SEC23A: variants seen among roughly 807,000 people sequenced by gnomAD.
SEC23A encodes the protein SEC23 homolog A, COPII component.
A neutral mutation model predicts 103.7 loss-of-function variants in SEC23A; 56 were observed. That is an observed-to-expected ratio of 0.54 (90% CI 0.44 to 0.67). The LOEUF is 0.67. Ranked by LOEUF, SEC23A falls within the 30% of genes least tolerant of loss-of-function variation. The probability of loss-of-function intolerance (pLI) is 0.00; values close to 1 mark genes in which losing one functional copy is unlikely to be tolerated. For synonymous variants in SEC23A, 281 were observed against 293.0 expected (o/e 0.96, Z 0.42); for missense variants, 784 against 936.4 (o/e 0.84, Z 2.12).
intron 14 of SEC23A, among the ~76,000 whole-genome samples, chr14:39,051,243 T>C (rs1331980262): frequency 6.6e-6 from 1 of 152,194 alleles, no homozygotes; most frequent in South Asian, 2.1e-4. Flanking sequence ...TTGGAGACAG[T>C]GTGCATTACA....
intron 14 of SEC23A, among the ~76,000 whole-genome samples, chr14:39,051,065 C>T (rs1194060671): frequency 2.0e-5 from 3 of 152,206 alleles, no homozygotes; most frequent in Non-Finnish European, 4.4e-5. Flanking sequence ...AAAGTTAATA[C>T]TGTTTAGGTA....
chr14:39,048,627 G>C, intron 15 of SEC23A, 25 bp downstream of exon 15: 9 of 1,444,934 alleles, frequency 6.2e-6, no homozygotes, highest in Non-Finnish European at 6.8e-6. Context: ...GAAAAGAAAA[G>C]AATATGGACC....
intron 9 of SEC23A, among the ~76,000 whole-genome samples, chr14:39,072,031 C>T (rs1000490726): frequency 5.3e-5 from 8 of 151,796 alleles, no homozygotes; most frequent in African/African-American, 1.5e-4. Context: ...ATCAGGAATT[C>T]GAGACCAGCC....
intron 14 of SEC23A, among the ~76,000 whole-genome samples, chr14:39,054,835 A>G (rs927170009): frequency 6.6e-6 from 1 of 152,232 alleles, no homozygotes; most frequent in Non-Finnish European, 1.5e-5. Flanking sequence ...AAAAAGCACT[A>G]AAAATTGTTA....
In SEC23A at chr14:39,085,987, A is replaced by T. The variant is rs547836319; in HGVS notation, c.684-81T>A. On this transcript the variant is annotated intron_variant, in intron 6 of 19. Transcript: ENST00000307712. The stretch of plus-strand genomic sequence containing the variant: ...GATAAACAAATTTCACTTTCCTAAA[A>T]ATAGAAAACAACACTCTGAACACAC... The T allele has an allele frequency of 5.2e-4, 641 of 1,229,862 alleles. 3 individuals are homozygous for T. The highest frequency in any genetic ancestry group is 2.3e-3 in the South Asian group (195 of 82,982). The allele number at this position is 1,229,862 out of a possible 1,614,324, so 76.2% of individuals were successfully genotyped here. A position where few individuals can be genotyped will look rare whatever the true frequency, so the allele number is the denominator to read the frequency against.
chr14:39,096,816 T>C (rs1887907932), intron 1 of SEC23A, among the ~76,000 whole-genome samples: 1 of 152,218 alleles, frequency 6.6e-6, no homozygotes, highest in South Asian at 2.1e-4. Flanking sequence ...TTCAAAATTA[T>C]AAAGTTCTAA....
In SEC23A at chr14:39,048,697, G is replaced by T; in HGVS notation, c.1692C>A (p.Asp564Glu). 1 of 1,592,730 alleles carries T rather than the reference G, an allele frequency of 6.3e-7. No homozygotes were observed. The highest frequency in any genetic ancestry group is 8.6e-7 in the Non-Finnish European group (1 of 1,160,764). ...CQKFGEYHKD[D>E]PSSFRFSETF... ...TTTCTGAAAATCTGAAGGAACTTGG[G>T]TCATCTTTATGATATTCTCCAAATT... is the stretch of plus-strand genomic sequence containing the variant. Residue 564 changes from aspartate (D) to glutamate (E), a missense_variant, in exon 15 of 20, where the codon GAC becomes GAA. Around this residue, in one of 2 missense-constraint regions of SEC23A, gnomAD observed 683 missense variants for 774.2 expected, o/e 0.88. Coordinates refer to ENST00000307712, the MANE Select transcript of SEC23A (RefSeq NM_006364.4).
Position 39,034,447 on chromosome 14 carries a change from A to G in SEC23A, c.2209-1119T>C, listed in dbSNP as rs547028697. ...TATTGTTCCTCCTGTTCAAAAATCT[A>G]TAACAATGAAATACTTTTCTTTATT... On this transcript the variant is annotated intron_variant, in intron 19 of 19. Transcript: ENST00000307712. Among the ~76,000 whole-genome samples, 44 of 152,362 alleles carry G rather than the reference A, an allele frequency of 2.9e-4. No individual in the cohort carries two copies. In the South Asian group the frequency reaches 7.9e-3, roughly 27 times the overall value.
intron 17 of SEC23A, among the ~76,000 whole-genome samples, chr14:39,041,822 T>C (rs1357660568): frequency 7.3e-6 from 1 of 137,826 alleles, no homozygotes; most frequent in African/African-American, 2.7e-5. Flanking sequence ...TGAGCCAAGA[T>C]AGCGCCACTG....
chr14:39,100,100 C>G (rs915259322), intron 1 of SEC23A, among the ~76,000 whole-genome samples: 5 of 152,192 alleles, frequency 3.3e-5, no homozygotes, highest in African/African-American at 1.2e-4. Context: ...TGAGTGATAT[C>G]TGGGCACAAC....
chr14:39,070,691 T>C (rs1162878946), intron 9 of SEC23A, among the ~76,000 whole-genome samples: 2 of 152,198 alleles, frequency 1.3e-5, no homozygotes, highest in African/African-American at 4.8e-5. Context: ...AGGGAACTTA[T>C]TCAATCTGAT....
intron 9 of SEC23A, among the ~76,000 whole-genome samples, chr14:39,070,982 G>A (rs977714272): frequency 7.2e-5 from 11 of 151,990 alleles, no homozygotes; most frequent in Admixed American, 3.9e-4. Context: ...AGCCGAGATC[G>A]TGCCACTGCA....
At chr14:39,035,930 C>T (rs997842496) in intron 19 of SEC23A, among the ~76,000 whole-genome samples, 1 of 152,064 alleles carries the variant, frequency 6.6e-6, no homozygotes, top group African/African-American at 2.4e-5. Flanking sequence ...CCTTCCAAAA[C>T]TCATTTTGAA....
At chr14:39,088,438 A>T (rs1420931791) in intron 5 of SEC23A, 1 of 152,000 alleles carries the variant, frequency 6.6e-6, no homozygotes, top group Middle Eastern at 3.2e-3. Flanking sequence ...GTCTACTAAA[A>T]ATACAAAAAT....
At chr14:39,079,314 A>C (rs768406171) in intron 7 of SEC23A, among the ~76,000 whole-genome samples, 8 of 152,200 alleles carry the variant, frequency 5.3e-5, no homozygotes, top group Admixed American at 6.5e-5. Flanking sequence ...AATGTAAAAG[A>C]TATCCTATGA....
intron 15 of SEC23A, among the ~76,000 whole-genome samples, chr14:39,046,445 C>G (rs1885842252): frequency 6.6e-6 from 1 of 152,082 alleles, no homozygotes; most frequent in African/African-American, 2.4e-5. Flanking sequence ...TGCACTCCAG[C>G]CTGGGTGACA....
chr14:39,037,531 T>A (rs1885500991), intron 19 of SEC23A, among the ~76,000 whole-genome samples: 1 of 152,226 alleles, frequency 6.6e-6, no homozygotes, highest in South Asian at 2.1e-4. Flanking sequence ...TTTTCCTTTT[T>A]TCTTCTTTTT....
At chr14:39,041,434 A>AAAAAAC (rs1885636951) in intron 17 of SEC23A, 1 of 95,812 alleles carries the variant, frequency 1.0e-5, no homozygotes, top group Non-Finnish European at 2.1e-5. Flanking sequence ...AAAAAAAAAA[A>AAAAAAC]GCCCTGTCAG....
intron 7 of SEC23A, among the ~76,000 whole-genome samples, chr14:39,078,477 G>A (rs1227034304): frequency 1.3e-5 from 2 of 152,122 alleles, no homozygotes; most frequent in Non-Finnish European, 2.9e-5. Context: ...ATGAACCAAA[G>A]AAGAAACAGT....
Sources: gnomAD v4.1 joint callset for allele counts (sites outside exome capture counted in the v4.1 genomes callset) on GRCh38, gnomAD v4.1.1 for gene constraint, gnomAD v4.1.1 regional missense constraint, MANE v1.5 for transcripts, NCBI Gene and HGNC (gene_info 2026-07-23, HGNC 2026-07-21) for gene names.